TRPC4: variants seen among roughly 807,000 people sequenced by gnomAD.
TRPC4 encodes the protein short transient receptor potential channel 4.
TRPC4 carries 49 observed loss-of-function variants against 99.4 expected under a neutral mutation model. The observed-to-expected ratio is 0.49, with a 90% confidence interval of 0.39 to 0.63. The LOEUF is 0.63. Among genes scored for constraint, TRPC4 ranks in the 20% least tolerant of loss-of-function variants. The probability of loss-of-function intolerance (pLI) is 0.00; values close to 1 mark genes in which losing one functional copy is unlikely to be tolerated. For missense variants in TRPC4, 898 were observed against 1,152.9 expected (o/e 0.78, Z 3.20); for synonymous variants, 454 against 425.9 (o/e 1.07, Z -0.81).
At chr13:37,639,455 A>G (rs897641630) in intron 8 of TRPC4, among the ~76,000 whole-genome samples, 156 bp from the exon 9 acceptor site, 1 of 152,098 alleles carries the variant, frequency 6.6e-6, no homozygotes, top group Non-Finnish European at 1.5e-5. Flanking sequence ...CTGCACATGA[A>G]TCAAAAGAAT....
chr13:37,681,760 A>G (rs1040835468), intron 4 of TRPC4, among the ~76,000 whole-genome samples: 2 of 152,214 alleles, frequency 1.3e-5, no homozygotes, highest in Non-Finnish European at 2.9e-5. Context: ...CCGCAATGGG[A>G]ACATTTCGAA....
chr13:37,637,117 A>T lies in TRPC4; in HGVS notation c.2720T>A (p.Val907Glu), dbSNP rs755167746. The change falls in exon 11 of 11, where the codon GTG (valine) becomes GAG (glutamate). Residue 907 changes from valine (V) to glutamate (E), a missense_variant. Around this residue, in one of 3 missense-constraint regions of TRPC4, gnomAD observed 346 missense variants for 351.4 expected, o/e 0.98. Coordinates refer to ENST00000379705, the MANE Select transcript of TRPC4 (RefSeq NM_016179.4). ...ATTCCTTTCTCTATGGTCTACTAACACACATTGTTCACTGAGACCGGGAAT... is the reference window on the plus strand; with the variant it reads ...ATTCCTTTCTCTATGGTCTACTAACTCACATTGTTCACTGAGACCGGGAAT... ...LSIPGLSEQC[V>E]LVDHRERNTD... is the part of the protein sequence containing the mutation. 50 of 1,613,638 alleles carry T rather than the reference A, an allele frequency of 3.1e-5. No individual in the cohort carries two copies. The highest frequency in any genetic ancestry group is 3.9e-5 in the Non-Finnish European group (46 of 1,179,842).
intron 4 of TRPC4, 73 bp downstream of exon 4, chr13:37,691,926 G>T: frequency 1.4e-6 from 2 of 1,398,314 alleles, no homozygotes; most frequent in Non-Finnish European, 2.0e-6. Context: ...AAACATTAAT[G>T]AATATTTTCT....
intron 3 of TRPC4, among the ~76,000 whole-genome samples, chr13:37,744,040 C>T (rs1281210619): frequency 6.6e-6 from 1 of 152,144 alleles, no homozygotes; most frequent in Non-Finnish European, 1.5e-5. Flanking sequence ...TGTTTCATTT[C>T]ATGAATTGTA....
chr13:37,808,670 A>G (rs1384046522), intron 1 of TRPC4, among the ~76,000 whole-genome samples: 1 of 152,010 alleles, frequency 6.6e-6, no homozygotes, highest in African/African-American at 2.4e-5. Flanking sequence ...ATTGTGCTCC[A>G]AGTAAGGGAA....
intron 6 of TRPC4, among the ~76,000 whole-genome samples, chr13:37,656,521 A>G (rs1040351917): frequency 6.6e-6 from 1 of 152,040 alleles, no homozygotes; most frequent in Non-Finnish European, 1.5e-5. Flanking sequence ...CTCACCCAAT[A>G]CCTCCATGGA....
chr13:37,697,863 A>C (rs1835428709), intron 3 of TRPC4, among the ~76,000 whole-genome samples: 1 of 152,198 alleles, frequency 6.6e-6, no homozygotes, highest in Admixed American at 6.5e-5. Context: ...TAAATATACA[A>C]AGAGTAGTTT....
chr13:37,787,694 A>G (rs1389124646), intron 1 of TRPC4, among the ~76,000 whole-genome samples: 1 of 152,100 alleles, frequency 6.6e-6, no homozygotes, highest in Non-Finnish European at 1.5e-5. Context: ...TTTCTTTGAG[A>G]AGTTGTAGGG....
chr13:37,844,924 C>A (rs1353643646), intron 1 of TRPC4, among the ~76,000 whole-genome samples: 2 of 152,170 alleles, frequency 1.3e-5, no homozygotes, highest in Non-Finnish European at 2.9e-5. Flanking sequence ...CCCTTCCCAA[C>A]TGCAGATTTC....
At chr13:37,820,362 G>A (rs570098994) in intron 1 of TRPC4, among the ~76,000 whole-genome samples, 5 of 151,954 alleles carry the variant, frequency 3.3e-5, no homozygotes, top group South Asian at 4.1e-4. Flanking sequence ...TTCTACCAGA[G>A]ATATAAAGAA....
chr13:37,799,826 C>T (rs1414117793), intron 1 of TRPC4, among the ~76,000 whole-genome samples: 3 of 152,226 alleles, frequency 2.0e-5, no homozygotes, highest in Non-Finnish European at 4.4e-5. Context: ...AAATGTTTAC[C>T]ATTCCTAGCA....
chr13:37,682,165 A>G (rs1345360693), intron 4 of TRPC4, among the ~76,000 whole-genome samples: 1 of 152,196 alleles, frequency 6.6e-6, no homozygotes, highest in Admixed American at 6.5e-5. Flanking sequence ...AACCCCAAAC[A>G]AAAAGCAAGT....
chr13:37,848,946 A>G (rs603955), intron 1 of TRPC4, among the ~76,000 whole-genome samples: 76,377 of 151,874 alleles, frequency 0.5, 19,533 homozygotes, highest in East Asian at 0.7. Context: ...AACTATCTTG[A>G]GTATAGATAA....
intron 8 of TRPC4, among the ~76,000 whole-genome samples, chr13:37,650,140 G>A (rs1034884393): frequency 6.6e-6 from 1 of 152,202 alleles, no homozygotes; most frequent in Middle Eastern, 3.2e-3. Context: ...TGCCTGGTGG[G>A]CAATGAAGTT....
At chr13:37,762,831 A>T (rs1956260912) in intron 2 of TRPC4, among the ~76,000 whole-genome samples, 1 of 151,104 alleles carries the variant, frequency 6.6e-6, no homozygotes, top group Non-Finnish European at 1.5e-5. Context: ...ACTAACCTGC[A>T]CATTGTGCAC....
At chr13:37,868,754 C>T (rs1175129185) in intron 1 of TRPC4, among the ~76,000 whole-genome samples, 1 of 152,062 alleles carries the variant, frequency 6.6e-6, no homozygotes, top group African/African-American at 2.4e-5. Flanking sequence ...CTGGGAAGGG[C>T]CTCTCTAAGA....
chr13:37,642,185 T>A lies in TRPC4; in HGVS notation c.2080-2886A>T, dbSNP rs114315764. On this transcript the variant is annotated intron_variant, in intron 8 of 10. Coordinates refer to ENST00000379705, the MANE Select transcript of TRPC4 (RefSeq NM_016179.4). The stretch of plus-strand genomic sequence containing the variant: ...AATACTTCTGGTAAATTTGGATAGA[T>A]GTGACCCAGACTCTGTAGGCAGTCA... Among the ~76,000 whole-genome samples, 1,340 of 152,234 alleles carry A rather than the reference T, an allele frequency of 8.8e-3. 25 individuals carry two copies. Among genetic ancestry groups the A allele is most frequent in the African/African-American group, 0.031 (1,292 of 41,538 alleles).
intron 1 of TRPC4, among the ~76,000 whole-genome samples, chr13:37,822,200 G>T (rs1008529285): frequency 2.0e-5 from 3 of 151,974 alleles, no homozygotes; most frequent in Admixed American, 6.6e-5. Context: ...GTGAAAGAAG[G>T]CTCAACATCA....
rs964843510 is a variant in TRPC4, at chr13:37,779,305, C to T, written c.378+3651G>A. Among the ~76,000 whole-genome samples the T allele has an allele frequency of 3.3e-4, 50 of 151,822 alleles. 1 individual carries two copies. The highest frequency in any genetic ancestry group is 1.2e-3 in the African/African-American group (48 of 41,372). ...AAATAAGGTATCAAGAAGGTTAAAG[C>T]CAAGTTCAGTAAATTCATCAGAGAC... On this transcript the variant is annotated intron_variant, in intron 2 of 10. Coordinates refer to ENST00000379705, the MANE Select transcript of TRPC4 (RefSeq NM_016179.4).
Sources: allele counts gnomAD v4.1 joint callset (sites outside exome capture counted in the v4.1 genomes callset), GRCh38; gene constraint gnomAD v4.1.1; regional missense constraint gnomAD v4.1.1; transcripts MANE v1.5; gene names NCBI Gene and HGNC (gene_info 2026-07-23, HGNC 2026-07-21).